MCPH1: variants seen among roughly 807,000 people sequenced by gnomAD.
MCPH1 encodes the protein microcephalin 1.
MCPH1 carries 104 observed loss-of-function variants against 84.5 expected under a neutral mutation model. The observed-to-expected ratio is 1.23, with a 90% CI of 1.05 to 1.45. The LOEUF is 1.45. MCPH1 is among the 40% of genes most tolerant of loss of function. MCPH1 has a pLI of 0.00. For missense variants in MCPH1, 1,498 were observed against 1,005.7 expected, an observed-to-expected ratio of 1.49 and a Z score of -6.62; for synonymous variants, 514 against 366.8, an observed-to-expected ratio of 1.40 and a Z score of -4.58.
rs1828371471 is a variant in MCPH1, at chr8:6,590,480, A to T, written c.2215-30974A>T. ...AAGCTGAGGAGGTTGGCAGTTTCTC[A>T]AACTCATGTCAGATGCCCCTCGGCC... On this transcript the variant is annotated intron_variant, in intron 12 of 13. Transcript: ENST00000344683. Among the ~76,000 whole-genome samples, 6 of 152,144 alleles carry T rather than the reference A, an allele frequency of 3.9e-5. No homozygotes were observed. In the South Asian group the frequency reaches 1.2e-3, roughly 32 times the overall value.
chr8:6,562,929 C>T (rs1437440622), intron 12 of MCPH1: 1 of 1,584,032 alleles, frequency 6.3e-7, no homozygotes, highest in Non-Finnish European at 8.6e-7. Flanking sequence ...AAACAATCTG[C>T]CACATTCTTT....
rs753750373 is a variant in MCPH1 at position 6,480,719 on chromosome 8, A to G, written c.1979A>G (p.Gln660Arg). The change falls in exon 11 of 14, where the codon CAG becomes CGG. Residue 660 changes from glutamine to arginine, a missense_variant. Coordinates refer to ENST00000344683, the MANE Select transcript of MCPH1 (RefSeq NM_024596.5). ...LVMTSMPSEK[Q>R]NVVIQVVDKL... ...TTTTTCCCCCGATTTGACAGAAAGC[A>G]GAATGTCGTCATCCAGGTTGTGGAT... The G allele has an allele frequency of 6.2e-6, 10 of 1,614,128 alleles. No individual in the cohort carries two copies. The Admixed American group carries it at 8.3e-5, about 13-fold the overall frequency.
intron 12 of MCPH1, among the ~76,000 whole-genome samples, chr8:6,547,758 G>A (rs547923630): frequency 4.1e-4 from 62 of 152,266 alleles, no homozygotes; most frequent in East Asian, 1.7e-3. Context: ...TGACTCACTC[G>A]GTGGGAACAA....
intron 12 of MCPH1, among the ~76,000 whole-genome samples, chr8:6,560,313 T>C (rs12547077): frequency 0.13 from 19,154 of 152,156 alleles, 1,321 homozygotes; most frequent in South Asian, 0.17. Flanking sequence ...AATCAGTGGG[T>C]GTTAGGTTGT....
At chr8:6,527,570 A>T (rs1393374956) in intron 12 of MCPH1, 1 of 1,613,682 alleles carries the variant, frequency 6.2e-7, no homozygotes, top group Non-Finnish European at 8.5e-7. Flanking sequence ...CTTATCTTGC[A>T]ATTTGTTTAT....
chr8:6,496,116 C>G (rs1017117113), intron 11 of MCPH1, among the ~76,000 whole-genome samples: 6 of 152,094 alleles, frequency 3.9e-5, no homozygotes, highest in Non-Finnish European at 5.9e-5. Context: ...TTATACAACT[C>G]ACTGTAATGT....
At chr8:6,553,151 T>G (rs1823959966) in intron 12 of MCPH1, among the ~76,000 whole-genome samples, 1 of 152,122 alleles carries the variant, frequency 6.6e-6, no homozygotes. Flanking sequence ...AGTGCACCAC[T>G]CTGGTGCAGG....
intron 12 of MCPH1, among the ~76,000 whole-genome samples, chr8:6,587,931 A>G (rs1317449778): frequency 6.6e-6 from 1 of 152,242 alleles, no homozygotes; most frequent in Non-Finnish European, 1.5e-5. Flanking sequence ...TGCTGGGGAC[A>G]GCAGATTCCA....
chr8:6,596,015 T>A (rs1281026338), intron 12 of MCPH1, among the ~76,000 whole-genome samples: 1 of 152,250 alleles, frequency 6.6e-6, no homozygotes, highest in Non-Finnish European at 1.5e-5. Flanking sequence ...TCTTTCTTTT[T>A]ATTCATTTAT....
intron 12 of MCPH1, among the ~76,000 whole-genome samples, chr8:6,583,054 C>G (rs1586707998): frequency 6.6e-6 from 1 of 152,156 alleles, no homozygotes; most frequent in Non-Finnish European, 1.5e-5. Context: ...TGGTCCTGTT[C>G]TATAGTCAAC....
chr8:6,578,417 C>G (rs915974065), intron 12 of MCPH1, among the ~76,000 whole-genome samples: 6 of 152,128 alleles, frequency 3.9e-5, no homozygotes, highest in African/African-American at 1.4e-4. Flanking sequence ...TGCCTGTTTT[C>G]AGAACAGAAG....
At chr8:6,551,876 C>T (rs1410779072) in intron 12 of MCPH1, among the ~76,000 whole-genome samples, 1 of 152,102 alleles carries the variant, frequency 6.6e-6, no homozygotes, top group Non-Finnish European at 1.5e-5. Context: ...CCATTAAGAC[C>T]AGTTTGTTTA....
At chr8:6,490,308 C>T (rs1467167826) in intron 11 of MCPH1, among the ~76,000 whole-genome samples, 1 of 152,170 alleles carries the variant, frequency 6.6e-6, no homozygotes, top group African/African-American at 2.4e-5. Context: ...GAAAATTCAA[C>T]CATGGTTTGG....
intron 4 of MCPH1, among the ~76,000 whole-genome samples, chr8:6,431,920 T>G (rs1462486346): frequency 6.6e-6 from 1 of 152,232 alleles, no homozygotes; most frequent in Non-Finnish European, 1.5e-5. Flanking sequence ...TGCATTCTGT[T>G]TAGCCAGATA....
chr8:6,503,568 G>T (rs1812632011), intron 12 of MCPH1, among the ~76,000 whole-genome samples: 1 of 152,164 alleles, frequency 6.6e-6, no homozygotes, highest in Non-Finnish European at 1.5e-5. Context: ...CACACTTACA[G>T]CAGGAGTAAG....
intron 12 of MCPH1, among the ~76,000 whole-genome samples, chr8:6,587,096 A>T (rs1324869842): frequency 6.6e-6 from 1 of 151,988 alleles, no homozygotes; most frequent in Non-Finnish European, 1.5e-5. Flanking sequence ...TTTGCTGTCG[A>T]TGATCTGTAT....
In MCPH1 at chr8:6,555,497, C is replaced by T. The variant is rs79069232; in HGVS notation, c.2214+55568C>T. Among the ~76,000 whole-genome samples the T allele has an allele frequency of 5.4e-3, 813 of 149,996 alleles. 15 individuals are homozygous for T. Among genetic ancestry groups the T allele is most frequent in the East Asian group, 0.051 (258 of 5,108 alleles). ...TTTTTTTGGAGACAGGATCTCACTGCGTAGCCCAGGCTGGAGTACTATGGT... is the reference window on the plus strand; with the variant it reads ...TTTTTTTGGAGACAGGATCTCACTGTGTAGCCCAGGCTGGAGTACTATGGT... On this transcript the variant is annotated intron_variant, in intron 12 of 13. Transcript: ENST00000344683.
At chr8:6,558,660 C>T (rs536739394) in intron 12 of MCPH1, among the ~76,000 whole-genome samples, 1 of 152,154 alleles carries the variant, frequency 6.6e-6, no homozygotes, top group South Asian at 2.1e-4. Context: ...TCTAGTGTCT[C>T]AATAGAAGGT....
At chr8:6,566,119 A>C (rs1171729980) in intron 12 of MCPH1, among the ~76,000 whole-genome samples, 3 of 152,246 alleles carry the variant, frequency 2.0e-5, no homozygotes, top group Non-Finnish European at 4.4e-5. Context: ...GCTCCAATAA[A>C]GCTTTATTCG....
Sources: allele counts gnomAD v4.1 joint callset (sites outside exome capture counted in the v4.1 genomes callset), GRCh38; gene constraint gnomAD v4.1.1; transcripts MANE v1.5; gene names NCBI Gene and HGNC (gene_info 2026-07-23, HGNC 2026-07-21).